The following SPAG16 variants were observed in gnomAD, a reference collection of about 807,000 sequenced individuals.
The protein encoded by SPAG16 is sperm-associated antigen 16 protein.
In SPAG16, 86 loss-of-function variants were observed where a neutral mutation model predicts 80.4. The observed-to-expected ratio is 1.07, with a 90% CI of 0.90 to 1.28. The LOEUF (loss-of-function observed/expected upper bound fraction) is 1.28. Among genes scored for constraint, SPAG16 ranks in the 50% most tolerant of loss-of-function variants. The probability of loss-of-function intolerance (pLI) is 0.00; values close to 1 mark genes in which losing one functional copy is unlikely to be tolerated. For missense variants in SPAG16, 870 were observed against 765.3 expected (o/e 1.14, Z -1.61); for synonymous variants, 294 against 265.9 (o/e 1.11, Z -1.03).
At chr2:213,424,172 A>C (rs967442993) in intron 9 of SPAG16, among the ~76,000 whole-genome samples, 1 of 152,218 alleles carries the variant, frequency 6.6e-6, no homozygotes, top group Non-Finnish European at 1.5e-5. Context: ...AAGGGTCAGC[A>C]TGAGAAAGAA....
chr2:213,676,262 T>A (rs1313434458), intron 10 of SPAG16, among the ~76,000 whole-genome samples: 1 of 152,198 alleles, frequency 6.6e-6, no homozygotes, highest in Non-Finnish European at 1.5e-5. Context: ...AAGTTGCTTA[T>A]CAGCTTAACG....
chr2:214,189,952 AT>A (rs2125693674), intron 15 of SPAG16, among the ~76,000 whole-genome samples: 1 of 152,266 alleles, frequency 6.6e-6, no homozygotes, highest in East Asian at 1.9e-4. Context: ...TTGGAAAAAA[AT>A]TGAATGAATA....
intron 13 of SPAG16, among the ~76,000 whole-genome samples, chr2:214,036,806 A>G (rs562704430): frequency 5.9e-5 from 9 of 152,298 alleles, no homozygotes; most frequent in African/African-American, 2.2e-4. Flanking sequence ...CTTTAGCTGG[A>G]AAACATATAG....
intron 15 of SPAG16, among the ~76,000 whole-genome samples, chr2:214,343,045 G>C (rs1231027072): frequency 1.3e-5 from 2 of 152,050 alleles, no homozygotes; most frequent in African/African-American, 4.8e-5. Flanking sequence ...GGAAAGTCAA[G>C]TCTTTAAAAT....
chr2:213,644,694 GTCTCTTTC>G (rs1481423575), intron 10 of SPAG16, among the ~76,000 whole-genome samples: 1 of 152,166 alleles, frequency 6.6e-6, no homozygotes, highest in South Asian at 2.1e-4. Context: ...CTCTCAGTCA[GTCTCTTTC>G]TCTCTTTCTC....
intron 9 of SPAG16, among the ~76,000 whole-genome samples, chr2:213,444,121 A>G (rs2071153648): frequency 6.6e-6 from 1 of 152,154 alleles, no homozygotes; most frequent in Non-Finnish European, 1.5e-5. Context: ...GGGAGACACA[A>G]ACGCTGAATC....
intron 11 of SPAG16, among the ~76,000 whole-genome samples, chr2:213,882,252 T>C (rs1575446232): frequency 1.3e-5 from 2 of 152,334 alleles, no homozygotes; most frequent in Middle Eastern, 6.8e-3. Context: ...TTGGGAATTT[T>C]TGTGTCTATA....
intron 12 of SPAG16, among the ~76,000 whole-genome samples, chr2:213,999,220 T>A (rs1256140911): frequency 6.6e-6 from 1 of 152,166 alleles, no homozygotes; most frequent in Non-Finnish European, 1.5e-5. Context: ...AATGGTTTCA[T>A]GTGCCTGGCC....
At chr2:214,166,659 T>G (rs1576396328) in intron 15 of SPAG16, among the ~76,000 whole-genome samples, 1 of 152,280 alleles carries the variant, frequency 6.6e-6, no homozygotes, top group East Asian at 1.9e-4. Context: ...TCTTTAAAAC[T>G]TCCCTCTGAG....
chr2:213,579,217 A>G (rs1257959217), intron 10 of SPAG16, among the ~76,000 whole-genome samples: 6 of 152,056 alleles, frequency 3.9e-5, no homozygotes, highest in Non-Finnish European at 8.8e-5. Flanking sequence ...TAATGTAATA[A>G]GGGATTCTTT....
At chr2:213,498,676 C>T in intron 10 of SPAG16, among the ~76,000 whole-genome samples, 1 of 151,892 alleles carries the variant, frequency 6.6e-6, no homozygotes, top group Non-Finnish European at 1.5e-5. Context: ...GTCTCAATAC[C>T]AGCTCTCCTT....
At chr2:213,542,767 G>T (rs1338813171) in intron 10 of SPAG16, among the ~76,000 whole-genome samples, 1 of 151,932 alleles carries the variant, frequency 6.6e-6, no homozygotes, top group Non-Finnish European at 1.5e-5. Flanking sequence ...TTCTTAAATT[G>T]TTGTTTTTTT....
At chr2:213,523,130 G>A (rs2075747700) in intron 10 of SPAG16, among the ~76,000 whole-genome samples, 1 of 152,154 alleles carries the variant, frequency 6.6e-6, no homozygotes, top group Admixed American at 6.5e-5. Context: ...GAGGGACCCA[G>A]TGGGAGGTAA....
rs562772213 is a variant in SPAG16, at chr2:214,193,967, C to T, written c.1720+44701C>T. 9.2e-5 allele frequency among the ~76,000 whole-genome samples: 14 copies of T among 152,096 alleles called. 1 individual carries two copies. Among genetic ancestry groups the T allele is most frequent in the African/African-American group, 3.1e-4 (13 of 41,504 alleles). ...TAAAGCAATGCACCATTCAGATGCA[C>T]CTTTGCACCAGAAAAAATTGGTTGG... On this transcript the variant is annotated intron_variant, in intron 15 of 15. Transcript: ENST00000331683.
intron 15 of SPAG16, among the ~76,000 whole-genome samples, chr2:214,287,354 T>C (rs1693440679): frequency 6.6e-6 from 1 of 152,244 alleles, no homozygotes; most frequent in South Asian, 2.1e-4. Context: ...AATGGCATCA[T>C]GAAATAAAAT....
In SPAG16 at chr2:213,601,436, C is replaced by T. The variant is rs150740273; in HGVS notation, c.1070+111346C>T. ...GCATGTATATGTGTGTTTACGTGTT[C>T]ATCATAAATTTAGAGGCTAAATACA... On this transcript the variant is annotated intron_variant, in intron 10 of 15. Coordinates refer to ENST00000331683, the MANE Select transcript of SPAG16 (RefSeq NM_024532.5). Among the ~76,000 whole-genome samples, 173 of 152,256 alleles carry T rather than the reference C, an allele frequency of 1.1e-3. 1 individual carries two copies. The highest frequency in any genetic ancestry group is 1.8e-3 in the Non-Finnish European group (122 of 68,014).
chr2:213,928,389 GC>G (rs1174528696), intron 11 of SPAG16, among the ~76,000 whole-genome samples: 2 of 151,836 alleles, frequency 1.3e-5, no homozygotes, highest in Middle Eastern at 3.4e-3. Flanking sequence ...ATCACACCTG[GC>G]CCCTTGGATA....
intron 10 of SPAG16, among the ~76,000 whole-genome samples, chr2:213,860,363 A>ATATATG (rs1491344050): frequency 2.0e-5 from 1 of 50,240 alleles, no homozygotes; most frequent in African/African-American, 4.9e-5. Flanking sequence ...ATATATATAT[A>ATATATG]TGTGTGTGTG....
intron 10 of SPAG16, among the ~76,000 whole-genome samples, chr2:213,730,479 T>C (rs1292646255): frequency 1.3e-5 from 2 of 152,240 alleles, no homozygotes; most frequent in South Asian, 2.1e-4. Context: ...AACTCTAGAT[T>C]GATAGGTTTT....
Sources: gnomAD v4.1 joint callset for allele counts (sites outside exome capture counted in the v4.1 genomes callset) on GRCh38, gnomAD v4.1.1 for gene constraint, MANE v1.5 for transcripts, NCBI Gene and HGNC (gene_info 2026-07-23, HGNC 2026-07-21) for gene names.